Variants in LRCH1 observed in about 807,000 individuals in gnomAD.
The protein encoded by LRCH1 is leucine rich repeats and calponin homology domain containing 1.
A neutral mutation model predicts 94.9 loss-of-function variants in LRCH1; 23 were observed. That is an observed-to-expected ratio of 0.24 (90% CI 0.17 to 0.34). The LOEUF (loss-of-function observed/expected upper bound fraction) is 0.34. Among genes scored for constraint, LRCH1 ranks in the 10% least tolerant of loss-of-function variants. The pLI is 1.00. For synonymous variants in LRCH1, 364 were observed against 354.9 expected (o/e 1.03, Z -0.29); for missense variants, 790 against 945.9 (o/e 0.84, Z 2.16).
chr13:46,554,246 C>T (rs1340371247), intron 1 of LRCH1, among the ~76,000 whole-genome samples: 1 of 152,236 alleles, frequency 6.6e-6, no homozygotes, highest in Non-Finnish European at 1.5e-5. Context: ...GTGCCGCGAG[C>T]CCCCTCGGCG....
intron 2 of LRCH1, among the ~76,000 whole-genome samples, chr13:46,654,451 G>C (rs1301356464): frequency 6.6e-6 from 1 of 152,204 alleles, no homozygotes; most frequent in South Asian, 2.1e-4. Flanking sequence ...CCTTTGGGGA[G>C]AGACTGCCAA....
chr13:46,597,028 G>A (rs149715678), intron 1 of LRCH1, among the ~76,000 whole-genome samples: 13 of 152,256 alleles, frequency 8.5e-5, no homozygotes, highest in Admixed American at 5.9e-4. Flanking sequence ...TAATACAGTC[G>A]ATCCTCAATC....
rs1870950967 is a variant in LRCH1 at position 46,692,521 on chromosome 13, A to G, written c.1015-15A>G. On this transcript the variant is annotated splice_polypyrimidine_tract_variant and intron_variant, in intron 7 of 19. Transcript: ENST00000389797. ...ACACTTCTCTTGAGTTAAACAGTGC[A>G]CTGTATCTTTTTAGCCTTCTGACGA... The G allele has an allele frequency of 2.5e-6, 4 of 1,578,188 alleles. No homozygotes were observed. The highest frequency in any genetic ancestry group is 2.2e-5 in the East Asian group (1 of 44,690).
At chr13:46,730,479 A>G (rs1873048187) in intron 18 of LRCH1, among the ~76,000 whole-genome samples, 1 of 152,162 alleles carries the variant, frequency 6.6e-6, no homozygotes. Flanking sequence ...TCACAGTGGC[A>G]TGATTTGTCC....
chr13:46,698,050 G>A lies in LRCH1; in HGVS notation c.1246-1286G>A, dbSNP rs535518570. Among the ~76,000 whole-genome samples, 28 of 152,322 alleles carry A rather than the reference G, an allele frequency of 1.8e-4. No homozygotes were observed. In the South Asian group the frequency reaches 4.8e-3, roughly 26 times the overall value. ...TGAATTTTTCTGTCATTTGGAGTGT[G>A]GAGAGTGGCACAGTCTTTTATACGT... On this transcript the variant is annotated intron_variant, in intron 9 of 19. Transcript: ENST00000389797.
chr13:46,698,725 C>T (rs939461887), intron 9 of LRCH1, among the ~76,000 whole-genome samples: 1 of 152,152 alleles, frequency 6.6e-6, no homozygotes, highest in Non-Finnish European at 1.5e-5. Context: ...TCCAGTAAAG[C>T]TTTAAATTTC....
rs199547333 is a variant in LRCH1 at position 46,694,625 on chromosome 13, TA to T, written c.1121-262del. Among the ~76,000 whole-genome samples, 1,520 of 152,304 alleles carry T rather than the reference TA, an allele frequency of 1.0e-2. 11 individuals carry two copies. Among genetic ancestry groups the T allele is most frequent in the Middle Eastern group, 0.027 (8 of 294 alleles). On this transcript the variant is annotated intron_variant, in intron 8 of 19. Coordinates refer to ENST00000389797, the MANE Select transcript of LRCH1 (RefSeq NM_001164211.2). ...TTTATACTTTCTTTTCTCCATTCCTTAAAAAAGTAAGAGAAAATCTAATTTT... is the reference window on the plus strand; with the variant it reads ...TTTATACTTTCTTTTCTCCATTCCTTAAAAAGTAAGAGAAAATCTAATTTT...
At chr13:46,616,103 C>T (rs1451520777) in intron 1 of LRCH1, among the ~76,000 whole-genome samples, 1 of 152,168 alleles carries the variant, frequency 6.6e-6, no homozygotes, top group Non-Finnish European at 1.5e-5. Context: ...GAACTGTGTA[C>T]TGGGAAAAGA....
intron 1 of LRCH1, among the ~76,000 whole-genome samples, chr13:46,646,128 G>T (rs940901954): frequency 3.3e-5 from 5 of 152,164 alleles, no homozygotes; most frequent in Non-Finnish European, 7.4e-5. Flanking sequence ...CTAAACATTC[G>T]TGAAAGGAGT....
chr13:46,654,227 C>T (rs2051342388), intron 2 of LRCH1, among the ~76,000 whole-genome samples: 2 of 152,168 alleles, frequency 1.3e-5, no homozygotes, highest in Admixed American at 1.3e-4. Flanking sequence ...CCACCCCACT[C>T]CCAGCCATCC....
intron 1 of LRCH1, among the ~76,000 whole-genome samples, chr13:46,638,071 C>T (rs2051113875): frequency 6.6e-6 from 1 of 152,096 alleles, no homozygotes; most frequent in African/African-American, 2.4e-5. Context: ...ATCTTTGAGT[C>T]GTTTCCAAGA....
chr13:46,742,488 A>G lies in LRCH1; in HGVS notation c.*640A>G. 5.1e-6 allele frequency: 5 copies of G among 985,820 alleles called. No individual in the cohort carries two copies. Among genetic ancestry groups the G allele is most frequent in the Non-Finnish European group, 6.0e-6 (5 of 830,230 alleles). 61.1% of individuals were successfully genotyped at this position (985,820 alleles called of 1,614,324 possible). Reference sequence around the variant, plus strand: ...AGGGCGCTGGGCAGTGTGGCCGCCAACTTCCACCCCGGCAAGCCCCTCTGT... The same window carrying G: ...AGGGCGCTGGGCAGTGTGGCCGCCAGCTTCCACCCCGGCAAGCCCCTCTGT... On this transcript the variant is annotated 3_prime_UTR_variant, in exon 20 of 20. Transcript: ENST00000389797.
intron 15 of LRCH1, among the ~76,000 whole-genome samples, chr13:46,713,856 C>T (rs546482823): frequency 2.3e-4 from 35 of 152,300 alleles, no homozygotes; most frequent in African/African-American, 8.4e-4. Context: ...TTATTTTACA[C>T]GCTGAGGACC....
intron 1 of LRCH1, among the ~76,000 whole-genome samples, chr13:46,564,479 C>T (rs915913818): frequency 6.6e-6 from 1 of 152,200 alleles, no homozygotes; most frequent in African/African-American, 2.4e-5. Flanking sequence ...AATTCTCTCC[C>T]CTCTGGCCAT....
intron 3 of LRCH1, among the ~76,000 whole-genome samples, chr13:46,678,761 G>A (rs376714144): frequency 1.6e-4 from 25 of 152,050 alleles, no homozygotes; most frequent in Non-Finnish European, 7.4e-5. Flanking sequence ...AGAAACATAC[G>A]ATGGAAAAAA....
intron 1 of LRCH1, among the ~76,000 whole-genome samples, chr13:46,632,634 G>A (rs1037201066): frequency 1.1e-4 from 17 of 152,024 alleles, no homozygotes; most frequent in African/African-American, 4.1e-4. Context: ...GCTTGAAGAG[G>A]GTAGACTTCT....
At chr13:46,722,528 C>A (rs886701697) in intron 16 of LRCH1, among the ~76,000 whole-genome samples, 5 of 152,212 alleles carry the variant, frequency 3.3e-5, no homozygotes, top group Non-Finnish European at 7.3e-5. Context: ...GTTTTCTCAG[C>A]TCATTTCAGA....
intron 1 of LRCH1, among the ~76,000 whole-genome samples, chr13:46,561,518 G>A (rs1350958894): frequency 1.3e-5 from 2 of 152,104 alleles, no homozygotes; most frequent in African/African-American, 4.8e-5. Flanking sequence ...CCTGCAGTGT[G>A]GTATGTATAG....
intron 19 of LRCH1, among the ~76,000 whole-genome samples, chr13:46,735,313 T>C (rs1443666440): frequency 6.6e-6 from 1 of 152,248 alleles, no homozygotes; most frequent in Non-Finnish European, 1.5e-5. Context: ...GATTTGATTC[T>C]GTCATGGGCT....
Sources: gnomAD v4.1 joint callset for allele counts (sites outside exome capture counted in the v4.1 genomes callset) on GRCh38, gnomAD v4.1.1 for gene constraint, MANE v1.5 for transcripts, NCBI Gene and HGNC (gene_info 2026-07-23, HGNC 2026-07-21) for gene names.